The following DLEC1 variants were observed in gnomAD, a reference collection of about 807,000 sequenced individuals.
DLEC1 encodes the protein DLEC1 cilia and flagella associated protein.
Under a neutral mutation model 198.1 loss-of-function variants are expected in DLEC1, and 146 were observed. That is an observed-to-expected ratio of 0.74 (90% CI 0.64 to 0.85). The LOEUF is 0.85. DLEC1 is among the 40% of genes least tolerant of loss of function. The probability of loss-of-function intolerance (pLI) is 0.00; values close to 1 mark genes in which losing one functional copy is unlikely to be tolerated. For missense variants in DLEC1, 2,233 were observed against 2,220.0 expected (o/e 1.01, Z -0.12); for synonymous variants, 897 against 866.8 (o/e 1.03, Z -0.61).
At chr3:38,080,628 A>G (rs1697926026) in intron 6 of DLEC1, among the ~76,000 whole-genome samples, 1 of 152,062 alleles carries the variant, frequency 6.6e-6, no homozygotes, top group Admixed American at 6.5e-5. Flanking sequence ...GTTGCAGAAG[A>G]AAACAAGGCA....
chr3:38,046,741 C>T (rs1466828785), intron 2 of DLEC1, among the ~76,000 whole-genome samples: 3 of 152,188 alleles, frequency 2.0e-5, no homozygotes, highest in Admixed American at 6.5e-5. Context: ...ACAACTTTTA[C>T]ATCCCATTCA....
chr3:38,072,606 G>A (rs984998166), intron 6 of DLEC1, among the ~76,000 whole-genome samples: 1 of 152,116 alleles, frequency 6.6e-6, no homozygotes, highest in Non-Finnish European at 1.5e-5. Context: ...AGGATCTATG[G>A]GGTCAACTAG....
chr3:38,074,272 C>A (rs1453054451), intron 6 of DLEC1, among the ~76,000 whole-genome samples: 1 of 152,132 alleles, frequency 6.6e-6, no homozygotes, highest in African/African-American at 2.4e-5. Context: ...CATCTGGCTG[C>A]TTCCTCTCTA....
At chr3:38,063,703 A>C in intron 5 of DLEC1, 138 bp from the exon 6 acceptor site, 1 of 606,312 alleles carries the variant, frequency 1.6e-6, no homozygotes, top group Non-Finnish European at 2.9e-6. Flanking sequence ...AGATCCAAAA[A>C]CCCCCCAACA....
At chr3:38,048,042 T>C (rs1005119077) in intron 2 of DLEC1, among the ~76,000 whole-genome samples, 1 of 152,262 alleles carries the variant, frequency 6.6e-6, no homozygotes, top group Admixed American at 6.5e-5. Flanking sequence ...TTGTGCACGC[T>C]TGGATTTCAT....
chr3:38,097,297 G>T, intron 16 of DLEC1, 22 bp downstream of exon 16: 2 of 1,565,178 alleles, frequency 1.3e-6, no homozygotes, highest in Non-Finnish European at 1.7e-6. Context: ...ACTGCAGGAG[G>T]GGTTGTGACC....
intron 2 of DLEC1, among the ~76,000 whole-genome samples, chr3:38,050,291 CA>C (rs1037614111): frequency 2.0e-5 from 3 of 152,012 alleles, no homozygotes; most frequent in Non-Finnish European, 4.4e-5. Context: ...GCTGAGTTTC[CA>C]GATAACGTCT....
intron 2 of DLEC1, among the ~76,000 whole-genome samples, chr3:38,057,585 TG>T (rs1024159240): frequency 6.6e-5 from 10 of 152,086 alleles, no homozygotes; most frequent in African/African-American, 1.9e-4. Context: ...ACACATACAG[TG>T]TGATGACATT....
At chr3:38,045,744 T>A in intron 2 of DLEC1, 51 bp downstream of exon 2, 1 of 1,545,742 alleles carries the variant, frequency 6.5e-7, no homozygotes, top group South Asian at 1.2e-5. Flanking sequence ...GCTGTTGATA[T>A]TTCACTGTGT....
Position 38,116,599 on chromosome 3 carries a change from C to T in DLEC1, c.4003C>T (p.Leu1335Phe). The T allele has an allele frequency of 6.2e-7, 1 of 1,614,144 alleles. No individual in the cohort carries two copies. Among genetic ancestry groups the T allele is most frequent in the African/African-American group, 1.3e-5 (1 of 75,032 alleles). ...CCCTGATACCCCTGAGGGTGGCTGCCTCCTCTGGTCCCCAGGCCCCTCCAG... is the reference window on the plus strand; with the variant it reads ...CCCTGATACCCCTGAGGGTGGCTGCTTCCTCTGGTCCCCAGGCCCCTCCAG... ...VCPDTPEGGC[L>F]LWSPGPSSSS... The change falls in exon 28 of 37, where the codon CTC becomes TTC. Residue 1335 changes from leucine to phenylalanine, a missense_variant. Leu to Phe is a conservative substitution (Grantham distance 22). Coordinates refer to ENST00000308059, the MANE Select transcript of DLEC1 (RefSeq NM_007335.4).
At chr3:38,063,606 A>T (rs980407885) in intron 5 of DLEC1, among the ~76,000 whole-genome samples, 1 of 152,272 alleles carries the variant, frequency 6.6e-6, no homozygotes, top group African/African-American at 2.4e-5. Flanking sequence ...TTTCCTATGC[A>T]TATTGAAAAT....
intron 6 of DLEC1, among the ~76,000 whole-genome samples, chr3:38,064,732 T>A (rs1337797826): frequency 6.8e-6 from 1 of 147,856 alleles, no homozygotes; most frequent in Non-Finnish European, 1.5e-5. Context: ...GCTCCTCACA[T>A]CTCAGACGGG....
At position 38,117,631 on chromosome 3, in the gene DLEC1, C is replaced by T. The variant is rs370931756; in HGVS notation, c.4485+20C>T. 5.0e-6 allele frequency: 8 copies of T among 1,613,904 alleles called. No homozygotes were observed. The highest frequency in any genetic ancestry group is 6.8e-6 in the Non-Finnish European group (8 of 1,179,914). On this transcript the variant is annotated intron_variant, in intron 32 of 36. Coordinates refer to ENST00000308059, the MANE Select transcript of DLEC1 (RefSeq NM_007335.4). Reference sequence around the variant, plus strand: ...TCTGGGGTGAGTGTGCTGCCACCCTCTGGCCCTGCCAGCTTACCTGGACCT... The same window carrying T: ...TCTGGGGTGAGTGTGCTGCCACCCTTTGGCCCTGCCAGCTTACCTGGACCT...
intron 13 of DLEC1, 44 bp downstream of exon 13, chr3:38,095,115 G>A (rs755828942): frequency 4.0e-5 from 64 of 1,601,976 alleles, no homozygotes; most frequent in Non-Finnish European, 5.1e-5. Context: ...GTTGGATCAT[G>A]TATTTAGACC....
rs1443321922 is a variant in DLEC1 at position 38,062,689 on chromosome 3, A to C, written c.982A>C (p.Lys328Gln). Reference sequence around the variant, plus strand: ...AATGGAGAGTCGGAACCACTTCCTAAAAAATCCCCGTTTTTTTCCTCCTAA... The same window carrying C: ...AATGGAGAGTCGGAACCACTTCCTACAAAATCCCCGTTTTTTTCCTCCTAA... ...ARMESRNHFL[K>Q]NPRFFPPNTR... The change falls in exon 5 of 37, where the codon AAA (lysine) becomes CAA (glutamine). Residue 328 changes from lysine to glutamine, a missense_variant. Physicochemically the swap from Lys to Gln is moderately conservative, Grantham distance 53 (BLOSUM62 1). Transcript: ENST00000308059. The C allele has an allele frequency of 6.2e-7, 1 of 1,614,128 alleles. No individual in the cohort carries two copies. Among genetic ancestry groups the C allele is most frequent in the African/African-American group, 1.3e-5 (1 of 75,040 alleles).
chr3:38,039,407 C>T lies in DLEC1; in HGVS notation c.182C>T (p.Ala61Val). ...YSEAFHYSFA[A>V]RPRRLTQLAL... ...GAGGCCTTCCACTACAGCTTCGCAG[C>T]CCGGCCCCGCCGCCTCACGCAGCTT... Residue 61 changes from alanine to valine, a missense_variant, in exon 1 of 37, where the codon GCC (alanine) becomes GTC (valine). Ala to Val is a moderately conservative substitution (Grantham distance 64, BLOSUM62 0). Coordinates refer to ENST00000308059, the MANE Select transcript of DLEC1 (RefSeq NM_007335.4). 1 of 1,613,946 alleles carries T rather than the reference C, an allele frequency of 6.2e-7. No homozygotes were observed. Among genetic ancestry groups the T allele is most frequent in the Non-Finnish European group, 8.5e-7 (1 of 1,179,868 alleles).
intron 21 of DLEC1, among the ~76,000 whole-genome samples, 197 bp downstream of exon 21, chr3:38,108,712 G>A (rs1294037374): frequency 2.0e-5 from 3 of 152,228 alleles, no homozygotes; most frequent in Non-Finnish European, 4.4e-5. Context: ...AGAGCCTGGA[G>A]TAGGCCTGGG....
In DLEC1 at chr3:38,060,263, G is replaced by C. The variant is rs1271951400; in HGVS notation, c.673+411G>C. On this transcript the variant is annotated intron_variant, in intron 3 of 36. Transcript: ENST00000308059. ...CAGCTTCTCATCCTTTCAGAATGGA[G>C]GGAAGCCTGGGTAGAGAGGCAGAGA... Among the ~76,000 whole-genome samples, 3 of 152,216 alleles carry C rather than the reference G, an allele frequency of 2.0e-5. No homozygotes were observed. The East Asian group carries it at 5.8e-4, about 29-fold the overall frequency.
chr3:38,097,599 C>T lies in DLEC1; in HGVS notation c.2527C>T (p.Pro843Ser). The T allele has an allele frequency of 6.2e-7, 1 of 1,614,202 alleles. No individual in the cohort carries two copies. The highest frequency in any genetic ancestry group is 8.5e-7 in the Non-Finnish European group (1 of 1,180,042). The change falls in exon 17 of 37, where the codon CCC (proline) becomes TCC (serine). Residue 843 changes from proline (P) to serine (S), a missense_variant. Transcript: ENST00000308059. Reference sequence around the variant, plus strand: ...CCTGCTGTGTGAAATCGAAGACTCGCCCTCGCCAGTGGTGTTACACATTGA... The same window carrying T: ...CCTGCTGTGTGAAATCGAAGACTCGTCCTCGCCAGTGGTGTTACACATTGA... ...QDLLCEIEDS[P>S]SPVVLHIEAV... is the part of the protein sequence containing the mutation.
Sources: gnomAD v4.1 joint callset for allele counts (sites outside exome capture counted in the v4.1 genomes callset) on GRCh38, gnomAD v4.1.1 for gene constraint, MANE v1.5 for transcripts, NCBI Gene and HGNC (gene_info 2026-07-23, HGNC 2026-07-21) for gene names.